DGCR6L: variants seen among roughly 807,000 people sequenced by gnomAD.
The protein encoded by DGCR6L is protein DGCR6L.
A neutral mutation model predicts 31.1 loss-of-function variants in DGCR6L; 24 were observed. The ratio of observed to expected loss-of-function variants is 0.77; its 90% CI spans 0.56 to 1.08. The LOEUF (loss-of-function observed/expected upper bound fraction) is 1.08. Ranked by LOEUF, DGCR6L falls within the 50% of genes least tolerant of loss-of-function variation. The probability of loss-of-function intolerance (pLI) is 0.00; values close to 1 mark genes in which losing one functional copy is unlikely to be tolerated. For synonymous variants in DGCR6L, 104 were observed against 126.1 expected (o/e 0.82, Z 1.17); for missense variants, 218 against 287.1 (o/e 0.76, Z 1.74).
At position 20,319,924 on chromosome 22, in the gene DGCR6L, T is replaced by C. The variant is rs369866438; in HGVS notation, c.65A>G (p.Tyr22Cys). The change falls in exon 1 of 5, where the codon TAC becomes TGC. Residue 22 changes from tyrosine to cysteine, a missense_variant. Transcript: ENST00000248879. The part of the protein sequence containing the change: ...ADGARQQERH[Y>C]QLLSALQSLV... Reference sequence around the variant, plus strand: ...GCTCTGTAGCGCCGACAGCAACTGGTAGTGTCGCTCCTGCTGCCGGGCACC... The same window carrying C: ...GCTCTGTAGCGCCGACAGCAACTGGCAGTGTCGCTCCTGCTGCCGGGCACC... The C allele has an allele frequency of 8.7e-6, 14 of 1,610,470 alleles. No individual in the cohort carries two copies. In the African/African-American group the frequency reaches 1.5e-4, roughly 17 times the overall value.
chr22:20,317,702 C>T lies in DGCR6L; in HGVS notation c.272-1483G>A, dbSNP rs529882734. Among the ~76,000 whole-genome samples, 3 of 152,332 alleles carry T rather than the reference C, an allele frequency of 2.0e-5. No homozygotes were observed. In the South Asian group the frequency reaches 6.2e-4, roughly 32 times the overall value. On this transcript the variant is annotated intron_variant, in intron 2 of 4. Transcript: ENST00000248879. ...AGATGAGCCTGAACACATACCTGAA[C>T]CAGAAAGCAAGAAAGTGCTCACAGA...
At chr22:20,318,641 A>G (rs1398471663) in intron 2 of DGCR6L, 1 of 152,216 alleles carries the variant, frequency 6.6e-6, no homozygotes, top group Non-Finnish European at 1.5e-5. Context: ...GGAACAGTTA[A>G]TTTCTCAGGG....
rs2051559597 is a variant in DGCR6L, at chr22:20,314,834, A to C, written c.514-10T>G. ...TCTGCAGCATCAGCTCCTGGGATAC[A>C]GAGGGGCCCCATGAAGGCCAGAGTG... On this transcript the variant is annotated splice_polypyrimidine_tract_variant and intron_variant, in intron 4 of 4. Transcript: ENST00000248879. 6.2e-7 allele frequency: 1 copy of C among 1,610,636 alleles called. No homozygotes were observed. Among genetic ancestry groups the C allele is most frequent in the South Asian group, 1.1e-5 (1 of 90,954 alleles).
intron 2 of DGCR6L, among the ~76,000 whole-genome samples, chr22:20,317,834 A>G (rs12627754): frequency 0.028 from 4,264 of 152,352 alleles, 130 homozygotes; most frequent in East Asian, 0.14. Context: ...TTAGTAAACT[A>G]CATACATCTT....
At chr22:20,316,796 T>G (rs1464049825) in intron 2 of DGCR6L, among the ~76,000 whole-genome samples, 1 of 152,092 alleles carries the variant, frequency 6.6e-6, no homozygotes, top group African/African-American at 2.4e-5. Flanking sequence ...GAGGCCCAAG[T>G]TTGGGATGAG....
At position 20,320,032 on chromosome 22, in the gene DGCR6L, C is replaced by G; in HGVS notation, c.-44G>C. The G allele has an allele frequency of 6.7e-7, 1 of 1,496,354 alleles. No individual in the cohort carries two copies. The highest frequency in any genetic ancestry group is 8.9e-7 in the Non-Finnish European group (1 of 1,127,972). 92.7% of individuals were successfully genotyped at this position (1,496,354 alleles called of 1,614,324 possible). ...CCGCCGGCGGCGGCGACGAGCTCCCCCAGCTTCACGACATCCCGAGCGCGG... is the reference window on the plus strand; with the variant it reads ...CCGCCGGCGGCGGCGACGAGCTCCCGCAGCTTCACGACATCCCGAGCGCGG... On this transcript the variant is annotated 5_prime_UTR_variant, in exon 1 of 5. Coordinates refer to ENST00000248879, the MANE Select transcript of DGCR6L (RefSeq NM_033257.4).
In DGCR6L at chr22:20,320,007, CCGCCGGCGGCGG is replaced by C. The variant is rs1246190038; in HGVS notation, c.-31_-20del. Reference sequence around the variant, plus strand: ...GCTCCATGGCGCGGACGCCCGCTAGCCGCCGGCGGCGGCGACGAGCTCCCCCAGCTTCACGAC... The same window carrying C: ...GCTCCATGGCGCGGACGCCCGCTAGCCGACGAGCTCCCCCAGCTTCACGAC... On this transcript the variant is annotated 5_prime_UTR_variant, in exon 1 of 5. Transcript: ENST00000248879. 9 of 1,532,632 alleles carry C rather than the reference CCGCCGGCGGCGG, an allele frequency of 5.9e-6. No homozygotes were observed. Among genetic ancestry groups the C allele is most frequent in the Non-Finnish European group, 6.1e-6 (7 of 1,145,410 alleles). The allele number at this position is 1,532,632 out of a possible 1,614,324, so 94.9% of individuals were successfully genotyped here.
At chr22:20,315,066 G>A (rs2051561656) in intron 4 of DGCR6L, 1 of 1,199,076 alleles carries the variant, frequency 8.3e-7, no homozygotes, top group Admixed American at 2.0e-5. Context: ...CACTCGGAAT[G>A]GCATGCGGGA....
intron 4 of DGCR6L, 84 bp from the exon 5 acceptor site, chr22:20,314,908 C>T (rs2051560299): frequency 1.3e-6 from 2 of 1,592,350 alleles, no homozygotes; most frequent in African/African-American, 1.3e-5. Flanking sequence ...GCAGTGAGCC[C>T]ACGGGGGCGA....
Position 20,319,677 on chromosome 22 carries a change from A to C in DGCR6L, c.233T>G (p.Leu78Arg), listed in dbSNP as rs779031892. 1 of 1,612,030 alleles carries C rather than the reference A, an allele frequency of 6.2e-7. No homozygotes were observed. Among genetic ancestry groups the C allele is most frequent in the Non-Finnish European group, 8.5e-7 (1 of 1,179,886 alleles). ...LEIQHLTEKS[L>R]YNQRLRLQNE... ...CTGTAGGCGCAGGCGCTGGTTGTACAGGCTCTTTTCGGTGAGGTGCTGGAT... is the reference window on the plus strand; with the variant it reads ...CTGTAGGCGCAGGCGCTGGTTGTACCGGCTCTTTTCGGTGAGGTGCTGGAT... Residue 78 changes from leucine (L) to arginine (R), a missense_variant, in exon 2 of 5, where the codon CTG becomes CGG. By Grantham distance (102) the Leu-to-Arg change is moderately radical. Coordinates refer to ENST00000248879, the MANE Select transcript of DGCR6L (RefSeq NM_033257.4).
intron 4 of DGCR6L, 48 bp from the exon 5 acceptor site, chr22:20,314,872 C>G (rs769849362): frequency 6.2e-7 from 1 of 1,609,716 alleles, no homozygotes; most frequent in Non-Finnish European, 8.5e-7. Context: ...CCCCAGGCCC[C>G]TTTCATCCCG....
In DGCR6L at chr22:20,314,624, G is replaced by C. The variant is rs770766978; in HGVS notation, c.*51C>G. On this transcript the variant is annotated 3_prime_UTR_variant, in exon 5 of 5. Transcript: ENST00000248879. Reference sequence around the variant, plus strand: ...CCCCCTGCGGGCAGCTGGGAAGGCAGTGGCCAAAGGTCAAGAAGATGAACT... The same window carrying C: ...CCCCCTGCGGGCAGCTGGGAAGGCACTGGCCAAAGGTCAAGAAGATGAACT... The C allele has an allele frequency of 5.7e-5, 87 of 1,525,378 alleles. No individual in the cohort carries two copies. The highest frequency in any genetic ancestry group is 6.9e-5 in the Non-Finnish European group (78 of 1,134,350). 94.5% of individuals were successfully genotyped at this position (1,525,378 alleles called of 1,614,324 possible).
At chr22:20,315,592 C>G in intron 3 of DGCR6L, 116 bp from the exon 4 acceptor site, 2 of 1,440,148 alleles carry the variant, frequency 1.4e-6, no homozygotes, top group Non-Finnish European at 1.9e-6. Flanking sequence ...GTGGCAGCAG[C>G]TCTGACACCA....
At chr22:20,315,977 A>T (rs1409213023) in intron 3 of DGCR6L, 142 bp downstream of exon 3, 3 of 1,019,388 alleles carry the variant, frequency 2.9e-6, no homozygotes, top group Non-Finnish European at 4.2e-6. Context: ...GGTGGGACTC[A>T]CTAGGCCTCC....
intron 2 of DGCR6L, chr22:20,318,332 C>T (rs1488899712): frequency 6.6e-6 from 1 of 152,312 alleles, no homozygotes; most frequent in Non-Finnish European, 1.5e-5. Context: ...TGCTTCTAAT[C>T]AGGCTTCTAC....
rs780593246 is a variant in DGCR6L, at chr22:20,314,819, C to G, written c.519G>C (p.Leu173=). ...GTTCCAGCAGGTTCATCTGCAGCAT[C>G]AGCTCCTGGGATACAGAGGGGCCCC... is the stretch of plus-strand genomic sequence containing the variant. ...GFYVTTNPQE[L]MLQMNLLELI... The change falls in exon 5 of 5, where the codon CTG becomes CTC. Residue 173 remains leucine, a synonymous_variant. Transcript: ENST00000248879. 8.1e-6 allele frequency: 13 copies of G among 1,611,074 alleles called. No homozygotes were observed. Among genetic ancestry groups the G allele is most frequent in the Admixed American group, 1.7e-5 (1 of 59,924 alleles).
chr22:20,320,014 C>A lies in DGCR6L; in HGVS notation c.-26G>T, dbSNP rs545979658. 1.2e-5 allele frequency: 18 copies of A among 1,520,298 alleles called. No homozygotes were observed. Among genetic ancestry groups the A allele is most frequent in the Non-Finnish European group, 1.5e-5 (17 of 1,138,674 alleles). The allele number at this position is 1,520,298 out of a possible 1,614,324, so 94.2% of individuals were successfully genotyped here. A position where few individuals can be genotyped will look rare whatever the true frequency, so the allele number is the denominator to read the frequency against. On this transcript the variant is annotated 5_prime_UTR_variant, in exon 1 of 5. Coordinates refer to ENST00000248879, the MANE Select transcript of DGCR6L (RefSeq NM_033257.4). ...GGCGCGGACGCCCGCTAGCCGCCGG[C>A]GGCGGCGACGAGCTCCCCCAGCTTC...
chr22:20,318,489 T>C (rs1161131008), intron 2 of DGCR6L: 3 of 152,184 alleles, frequency 2.0e-5, no homozygotes, highest in African/African-American at 4.8e-5. Flanking sequence ...ACAATAAATG[T>C]TGGGGACTGT....
At chr22:20,317,464 G>A (rs1435540238) in intron 2 of DGCR6L, among the ~76,000 whole-genome samples, 3 of 152,270 alleles carry the variant, frequency 2.0e-5, no homozygotes, top group African/African-American at 7.2e-5. Flanking sequence ...GGAGGCAGGA[G>A]CAGCCAGTCG....
Sources: gnomAD v4.1 joint callset for allele counts (sites outside exome capture counted in the v4.1 genomes callset) on GRCh38, gnomAD v4.1.1 for gene constraint, MANE v1.5 for transcripts, NCBI Gene and HGNC (gene_info 2026-07-23, HGNC 2026-07-21) for gene names.